The following ATP2B2 variants were observed in gnomAD, a reference collection of about 807,000 sequenced individuals.
ATP2B2 encodes ATPase plasma membrane Ca2+ transporting 2, also known as plasma membrane calcium-transporting ATPase 2.
A neutral mutation model predicts 120.0 loss-of-function variants in ATP2B2; 15 were observed. The observed-to-expected ratio is 0.12, with a 90% CI of 0.08 to 0.19. The LOEUF (loss-of-function observed/expected upper bound fraction) is 0.19. ATP2B2 is among the 10% of genes least tolerant of loss of function. The pLI is 1.00. For synonymous variants in ATP2B2, 694 were observed against 700.3 expected, an observed-to-expected ratio of 0.99 and a Z score of 0.14; for missense variants, 1,045 against 1,719.8, an observed-to-expected ratio of 0.61 and a Z score of 6.94.
chr3:10,365,960 T>C (rs1350875511), intron 12 of ATP2B2, among the ~76,000 whole-genome samples: 1 of 151,854 alleles, frequency 6.6e-6, no homozygotes, highest in Non-Finnish European at 1.5e-5. Flanking sequence ...TAAACTCTTC[T>C]TCCAGAGACG....
intron 3 of ATP2B2, among the ~76,000 whole-genome samples, chr3:10,513,900 C>T (rs2066825863): frequency 6.6e-6 from 1 of 152,046 alleles, no homozygotes; most frequent in African/African-American, 2.4e-5. Flanking sequence ...TGGTTTTTTC[C>T]CAACCCCCCA....
intron 2 of ATP2B2, among the ~76,000 whole-genome samples, chr3:10,538,027 T>C (rs2067356487): frequency 6.6e-6 from 1 of 152,226 alleles, no homozygotes; most frequent in Non-Finnish European, 1.5e-5. Context: ...TTTTACACAG[T>C]GTTGAATTCT....
intron 2 of ATP2B2, among the ~76,000 whole-genome samples, chr3:10,576,888 C>T (rs937365003): frequency 5.3e-5 from 8 of 151,814 alleles, no homozygotes; most frequent in African/African-American, 1.9e-4. Context: ...TATGGTGAAA[C>T]CCCGTCTCTA....
chr3:10,547,262 G>T (rs980589895), intron 2 of ATP2B2, among the ~76,000 whole-genome samples: 2 of 152,152 alleles, frequency 1.3e-5, no homozygotes, highest in Non-Finnish European at 2.9e-5. Flanking sequence ...CACTGAGGCT[G>T]TGTGGCCTCA....
chr3:10,440,597 T>C (rs2125138709), intron 2 of ATP2B2, among the ~76,000 whole-genome samples: 1 of 152,346 alleles, frequency 6.6e-6, no homozygotes, highest in South Asian at 2.1e-4. Flanking sequence ...TAACTGCGTG[T>C]GCTTCCCTCC....
At chr3:10,389,443 A>C (rs74468366) in intron 5 of ATP2B2, among the ~76,000 whole-genome samples, 2,843 of 152,356 alleles carry the variant, frequency 0.019, 43 homozygotes, top group South Asian at 0.032. Context: ...ACTTGAACAC[A>C]GGCTACAACA....
intron 3 of ATP2B2, among the ~76,000 whole-genome samples, chr3:10,525,979 G>A (rs529436792): frequency 5.9e-4 from 90 of 152,196 alleles, no homozygotes; most frequent in African/African-American, 2.1e-3. Flanking sequence ...CTTCAAAGTG[G>A]GTATAATAAT....
Position 10,347,644 on chromosome 3 carries a change from G to A in ATP2B2, c.2405-1507C>T, listed in dbSNP as rs1463862437. On this transcript the variant is annotated intron_variant, in intron 16 of 22. Coordinates refer to ENST00000360273, the MANE Select transcript of ATP2B2 (RefSeq NM_001001331.4). The surrounding 1 kb of genome is among the most constrained non-coding windows in gnomAD (Gnocchi z 5.2). ...CAGCCTCCCCAAGCTTGTCCCCTTG[G>A]GACATTAGGCCTGAGTTTCCATAGT... 6.6e-6 allele frequency among the ~76,000 whole-genome samples: 1 copy of A among 152,232 alleles called. No homozygotes were observed. Among genetic ancestry groups the A allele is most frequent in the East Asian group, 1.9e-4 (1 of 5,196 alleles).
chr3:10,630,674 A>G (rs1406509643), intron 1 of ATP2B2, among the ~76,000 whole-genome samples: 1 of 152,174 alleles, frequency 6.6e-6, no homozygotes, highest in African/African-American at 2.4e-5. Flanking sequence ...TCATCTGTAA[A>G]ATGGCTCAGG....
intron 1 of ATP2B2, among the ~76,000 whole-genome samples, chr3:10,690,251 A>G (rs1384899233): frequency 6.6e-6 from 1 of 152,254 alleles, no homozygotes; most frequent in East Asian, 1.9e-4. Flanking sequence ...AAAATCAGTA[A>G]GAGACACAAC....
chr3:10,689,012 A>G (rs1439123481), intron 1 of ATP2B2, among the ~76,000 whole-genome samples: 1 of 152,202 alleles, frequency 6.6e-6, no homozygotes, highest in Non-Finnish European at 1.5e-5. Context: ...TGACTAGTAG[A>G]GATCCTCTTT....
At chr3:10,488,619 G>A (rs796678364) in intron 1 of ATP2B2, among the ~76,000 whole-genome samples, 7 of 151,618 alleles carry the variant, frequency 4.6e-5, no homozygotes, top group Admixed American at 1.3e-4. Context: ...TAGACAATGC[G>A]CTAGGTTCTG....
intron 12 of ATP2B2, among the ~76,000 whole-genome samples, chr3:10,370,031 C>T (rs2061179354): frequency 6.6e-6 from 1 of 152,182 alleles, no homozygotes. Flanking sequence ...CCAAGGACCC[C>T]AGTTCCCAGG....
intron 1 of ATP2B2, among the ~76,000 whole-genome samples, chr3:10,498,382 CA>C (rs910953292): frequency 1.3e-5 from 2 of 152,264 alleles, no homozygotes; most frequent in Admixed American, 6.5e-5. Flanking sequence ...CAAAAAACTT[CA>C]GAAGGATCAG....
Position 10,692,318 on chromosome 3 carries a change from C to A in ATP2B2, c.-460+15597G>T, listed in dbSNP as rs201226074. 1.6e-4 allele frequency among the ~76,000 whole-genome samples: 24 copies of A among 152,328 alleles called. 1 individual carries two copies. The highest frequency in any genetic ancestry group is 5.9e-4 in the Admixed American group (9 of 15,296). On this transcript the variant is annotated intron_variant, in intron 1 of 21. Coordinates refer to the ATP2B2 transcript ENST00000646379. ...GCTGTCCTATTCCCTGCCTCTCCCC[C>A]CAACCGTCATTCATTAATTTCTGCT...
intron 1 of ATP2B2, among the ~76,000 whole-genome samples, chr3:10,490,504 A>G (rs2065894932): frequency 6.7e-6 from 1 of 150,088 alleles, no homozygotes. Flanking sequence ...GTGTTTAAGC[A>G]ATTCCTGTAT....
At position 10,326,890 on chromosome 3, in the gene ATP2B2, G is replaced by C. The variant is rs114269446; in HGVS notation, c.*1924C>G. 1,408 of 398,964 alleles carry C rather than the reference G, an allele frequency of 3.5e-3. 6 individuals are homozygous for C. The highest frequency in any genetic ancestry group is 5.0e-3 in the Non-Finnish European group (1,130 of 226,026). 24.7% of individuals were successfully genotyped at this position (398,964 alleles called of 1,614,324 possible). A position where few individuals can be genotyped will look rare whatever the true frequency, so the allele number is the denominator to read the frequency against. On this transcript the variant is annotated 3_prime_UTR_variant, in exon 23 of 23. Coordinates refer to ENST00000360273, the MANE Select transcript of ATP2B2 (RefSeq NM_001001331.4). ...TGGCTCTCATCTTGTTTGTGGAAGA[G>C]TTCTCTGGGCCTGGAGAAGGGAAGG...
chr3:10,560,090 C>T (rs1054960417), intron 2 of ATP2B2, among the ~76,000 whole-genome samples: 1 of 152,156 alleles, frequency 6.6e-6, no homozygotes, highest in East Asian at 1.9e-4. Context: ...ATCTAGCAGG[C>T]AATTAAATTT....
At chr3:10,369,207 A>C (rs993234086) in intron 12 of ATP2B2, among the ~76,000 whole-genome samples, 1 of 152,178 alleles carries the variant, frequency 6.6e-6, no homozygotes, top group Non-Finnish European at 1.5e-5. Context: ...CCTGCAATCT[A>C]GATTTCCTGT....
Sources: allele counts gnomAD v4.1 joint callset (sites outside exome capture counted in the v4.1 genomes callset), GRCh38; gene constraint gnomAD v4.1.1; non-coding constraint Gnocchi (gnomAD v3.1); transcripts MANE v1.5; gene names NCBI Gene and HGNC (gene_info 2026-07-23, HGNC 2026-07-21).